Variants in MEI1 observed in about 807,000 individuals in gnomAD.
MEI1 encodes the protein meiotic double-stranded break formation protein 1, also known as meiosis inhibitor protein 1.
A neutral mutation model predicts 146.2 loss-of-function variants in MEI1; 103 were observed. The ratio of observed to expected loss-of-function variants is 0.70; its 90% CI spans 0.60 to 0.83. The LOEUF is 0.83. Among genes scored for constraint, MEI1 ranks in the 40% least tolerant of loss-of-function variants. MEI1 has a pLI of 0.00. For synonymous variants in MEI1, 652 were observed against 628.2 expected, an observed-to-expected ratio of 1.04 and a Z score of -0.57; for missense variants, 1,529 against 1,533.0, an observed-to-expected ratio of 1.00 and a Z score of 0.04.
At chr22:41,780,576 C>CTTTCT (rs1569313620) in intron 22 of MEI1, among the ~76,000 whole-genome samples, 1 of 121,538 alleles carries the variant, frequency 8.2e-6, no homozygotes, top group Admixed American at 1.1e-4. Flanking sequence ...GAATTTTTTT[C>CTTTCT]TTTTCTTTTT....
At chr22:41,703,570 T>C (rs1447969809) in intron 2 of MEI1, 116 bp downstream of exon 2, 5 of 922,842 alleles carry the variant, frequency 5.4e-6, no homozygotes, top group Non-Finnish European at 7.6e-6. Flanking sequence ...TGTAATACTT[T>C]ATCAGCAAAT....
chr22:41,759,556 G>A (rs774331403), intron 18 of MEI1: 1 of 152,072 alleles, frequency 6.6e-6, no homozygotes, highest in Non-Finnish European at 1.5e-5. Flanking sequence ...TGTGAACCCG[G>A]GAGGCAGAGC....
rs192015988 is a variant in MEI1 at position 41,707,072 on chromosome 22, G to A, written c.349+1518G>A. 1.9e-4 allele frequency among the ~76,000 whole-genome samples: 29 copies of A among 151,362 alleles called. No individual in the cohort carries two copies. In the East Asian group the frequency reaches 2.3e-3, roughly 12 times the overall value. On this transcript the variant is annotated intron_variant, in intron 3 of 30. Transcript: ENST00000401548. ...AAAAAAATTAGCCGGGCGCGGTGGCGGGCACCTGTAATCCCAGCTACTTGG... is the reference window on the plus strand; with the variant it reads ...AAAAAAATTAGCCGGGCGCGGTGGCAGGCACCTGTAATCCCAGCTACTTGG...
chr22:41,713,539 T>G (rs781632507), intron 3 of MEI1, among the ~76,000 whole-genome samples: 2 of 152,124 alleles, frequency 1.3e-5, no homozygotes, highest in Non-Finnish European at 2.9e-5. Context: ...CATAGTTGTT[T>G]TTTTGTTTTG....
intron 12 of MEI1, among the ~76,000 whole-genome samples, chr22:41,743,997 C>CT (rs1174822933): frequency 6.6e-6 from 1 of 152,062 alleles, no homozygotes; most frequent in Non-Finnish European, 1.5e-5. Flanking sequence ...CTGCCTCAGC[C>CT]TCCCGAGTAG....
intron 20 of MEI1, among the ~76,000 whole-genome samples, chr22:41,771,431 A>T (rs999860069): frequency 3.3e-5 from 5 of 152,118 alleles, no homozygotes; most frequent in Non-Finnish European, 7.4e-5. Context: ...GAATTGTCAG[A>T]TGCCCCAGTA....
At chr22:41,759,884 A>G (rs1407218486) in intron 18 of MEI1, among the ~76,000 whole-genome samples, 1 of 152,096 alleles carries the variant, frequency 6.6e-6, no homozygotes, top group Non-Finnish European at 1.5e-5. Context: ...GTAAGAAATA[A>G]TTTATTGGGC....
intron 26 of MEI1, among the ~76,000 whole-genome samples, chr22:41,785,013 T>A (rs941659834): frequency 2.0e-5 from 3 of 151,784 alleles, no homozygotes; most frequent in Non-Finnish European, 4.4e-5. Flanking sequence ...CTTGGCTCAC[T>A]GCAACCTCCG....
chr22:41,722,517 AGCTG>A (rs2070957750), intron 6 of MEI1, among the ~76,000 whole-genome samples: 1 of 146,906 alleles, frequency 6.8e-6, no homozygotes, highest in Admixed American at 6.8e-5. Flanking sequence ...TATGCTCATA[AGCTG>A]TTTATGGTCT....
At chr22:41,719,333 C>T (rs2147388384) in intron 6 of MEI1, among the ~76,000 whole-genome samples, 1 of 152,188 alleles carries the variant, frequency 6.6e-6, no homozygotes, top group South Asian at 2.1e-4. Flanking sequence ...ATTACAGGCA[C>T]CCACCATCAC....
chr22:41,785,912 T>TA (rs2075962425), intron 26 of MEI1, among the ~76,000 whole-genome samples: 1 of 124,936 alleles, frequency 8.0e-6, no homozygotes, highest in Admixed American at 9.3e-5. Context: ...TATTTTTTAT[T>TA]TTATTTTTTT....
Position 41,771,111 on chromosome 22 carries a change from C to T in MEI1, c.2544+150C>T. 4.7e-6 allele frequency: 4 copies of T among 856,952 alleles called. No individual in the cohort carries two copies. The South Asian group carries it at 6.6e-5, about 14-fold the overall frequency. The allele number at this position is 856,952 out of a possible 1,614,324, so 53.1% of individuals were successfully genotyped here. ...GCATGTGAGTTGGAGGGGTGGTGGT[C>T]TCTTCTACTTGTAGGTGCCTAGTTT... On this transcript the variant is annotated intron_variant, in intron 20 of 30. Coordinates refer to ENST00000401548, the MANE Select transcript of MEI1 (RefSeq NM_152513.4).
At chr22:41,716,726 G>A (rs2070234426) in intron 5 of MEI1, among the ~76,000 whole-genome samples, 1 of 117,116 alleles carries the variant, frequency 8.5e-6, no homozygotes, top group Non-Finnish European at 1.7e-5. Context: ...GTCTTGCTCT[G>A]TTGCCCAGGC....
At chr22:41,765,607 C>CACCGATT (rs1418091282) in intron 19 of MEI1, among the ~76,000 whole-genome samples, 4 of 152,128 alleles carry the variant, frequency 2.6e-5, no homozygotes, top group Non-Finnish European at 5.9e-5. Context: ...AGTTCAAAGA[C>CACCGATT]ACCGATTAGC....
intron 9 of MEI1, among the ~76,000 whole-genome samples, chr22:41,731,103 G>T (rs1387701063): frequency 6.7e-6 from 1 of 148,540 alleles, no homozygotes; most frequent in Non-Finnish European, 1.5e-5. Context: ...ACCCAGGCTG[G>T]AGTACAATGG....
At chr22:41,739,384 C>T (rs941834371) in intron 11 of MEI1, among the ~76,000 whole-genome samples, 2 of 152,106 alleles carry the variant, frequency 1.3e-5, no homozygotes, top group African/African-American at 2.4e-5. Context: ...TGAGTTCCTA[C>T]GTGGTTAGCA....
chr22:41,733,972 TA>T (rs2072096787), intron 11 of MEI1, among the ~76,000 whole-genome samples: 2 of 147,986 alleles, frequency 1.4e-5, no homozygotes, highest in South Asian at 4.3e-4. Flanking sequence ...ACTAAAAATA[TA>T]AAAAATTAGC....
Position 41,714,072 on chromosome 22 carries a change from A to G in MEI1, c.420A>G (p.Lys140=). The G allele has an allele frequency of 1.3e-6, 2 of 1,596,524 alleles. No homozygotes were observed. Among genetic ancestry groups the G allele is most frequent in the African/African-American group, 1.3e-5 (1 of 74,822 alleles). The change falls in exon 4 of 31, where the codon AAA becomes AAG. Residue 140 remains lysine (K), a synonymous_variant. Transcript: ENST00000401548. The part of the protein sequence containing the change: ...TIRCLLDECH[K]ELCNMPSMRG... Reference sequence around the variant, plus strand: ...GTTGCCTGCTGGATGAGTGCCACAAAGAGGTCAGAAAATAGCTATGGGTTC... The same window carrying G: ...GTTGCCTGCTGGATGAGTGCCACAAGGAGGTCAGAAAATAGCTATGGGTTC...
chr22:41,765,794 C>T (rs6002467), intron 19 of MEI1, among the ~76,000 whole-genome samples: 2,984 of 150,428 alleles, frequency 0.02, 100 homozygotes, highest in African/African-American at 0.068. Flanking sequence ...AATCAGTGTA[C>T]AGTGATCAAA....
Sources: gnomAD v4.1 joint callset for allele counts (sites outside exome capture counted in the v4.1 genomes callset) on GRCh38, gnomAD v4.1.1 for gene constraint, MANE v1.5 for transcripts, NCBI Gene and HGNC (gene_info 2026-07-23, HGNC 2026-07-21) for gene names.